INTS9: variants seen among roughly 807,000 people sequenced by gnomAD.
INTS9 encodes protein related to CPSF subunits of 74 kDa.
Under a neutral mutation model 79.7 loss-of-function variants are expected in INTS9, and 55 were observed. The ratio of observed to expected loss-of-function variants is 0.69; its 90% CI spans 0.56 to 0.86. The LOEUF is 0.86. Among genes scored for constraint, INTS9 ranks in the 40% least tolerant of loss-of-function variants. The pLI is 0.00. For missense variants in INTS9, 721 were observed against 831.5 expected (o/e 0.87, Z 1.64); for synonymous variants, 319 against 325.2 (o/e 0.98, Z 0.20).
At chr8:28,850,420 G>A in intron 2 of INTS9, 147 bp from the exon 3 acceptor site, 1 of 524,470 alleles carries the variant, frequency 1.9e-6, no homozygotes, top group Non-Finnish European at 3.3e-6. Context: ...AAAAATAAGA[G>A]AAATAACCAT....
chr8:28,778,039 A>C, intron 12 of INTS9, 86 bp from the exon 13 acceptor site: 1 of 1,418,766 alleles, frequency 7.0e-7, no homozygotes. Context: ...CTGAGGGCCC[A>C]CAGACAGTCA....
chr8:28,881,057 C>A (rs1329970638), intron 1 of INTS9, among the ~76,000 whole-genome samples: 1 of 150,336 alleles, frequency 6.7e-6, no homozygotes, highest in African/African-American at 2.5e-5. Flanking sequence ...CCCCTCCGTC[C>A]GGCAACCACC....
intron 8 of INTS9, among the ~76,000 whole-genome samples, chr8:28,809,660 A>C (rs1804996807): frequency 6.6e-6 from 1 of 152,232 alleles, no homozygotes; most frequent in African/African-American, 2.4e-5. Context: ...ACAAATCGCG[A>C]GAGTTGGCAA....
At chr8:28,775,037 A>G (rs978773420) in intron 14 of INTS9, among the ~76,000 whole-genome samples, 3 of 152,198 alleles carry the variant, frequency 2.0e-5, no homozygotes, top group Admixed American at 6.5e-5. Flanking sequence ...CAAGTTTACA[A>G]TCCTTATTTT....
chr8:28,883,882 A>T (rs556178835), intron 1 of INTS9, among the ~76,000 whole-genome samples: 5 of 152,142 alleles, frequency 3.3e-5, no homozygotes, highest in Admixed American at 2.6e-4. Flanking sequence ...GCAAACCAGG[A>T]GTGTATTTTC....
chr8:28,881,171 A>T (rs1382008572), intron 1 of INTS9, among the ~76,000 whole-genome samples: 14 of 124,488 alleles, frequency 1.1e-4, no homozygotes, highest in Admixed American at 1.6e-4. Flanking sequence ...CCGGGAGGTG[A>T]GGGGCGCCTC....
At chr8:28,842,065 G>C (rs1585453739) in intron 4 of INTS9, among the ~76,000 whole-genome samples, 1 of 152,236 alleles carries the variant, frequency 6.6e-6, no homozygotes, top group East Asian at 1.9e-4. Flanking sequence ...TTCACGCTGG[G>C]CAATAAAGTG....
chr8:28,835,431 C>A, intron 5 of INTS9, 53 bp from the exon 6 acceptor site: 1 of 1,306,566 alleles, frequency 7.7e-7, no homozygotes, highest in Non-Finnish European at 1.1e-6. Context: ...TAGAGAAACA[C>A]CCCATACTCT....
chr8:28,817,903 T>C (rs1454640172), intron 6 of INTS9, among the ~76,000 whole-genome samples: 2 of 151,438 alleles, frequency 1.3e-5, no homozygotes, highest in Admixed American at 6.6e-5. Context: ...AGGTATTTTA[T>C]TCTCTTTGAA....
intron 11 of INTS9, among the ~76,000 whole-genome samples, chr8:28,781,759 G>A (rs1028773422): frequency 3.2e-4 from 48 of 152,274 alleles, no homozygotes; most frequent in African/African-American, 1.1e-3. Context: ...AAGGCTCAGC[G>A]GTCACCAGGG....
intron 4 of INTS9, among the ~76,000 whole-genome samples, chr8:28,844,259 T>A (rs1309515007): frequency 1.3e-5 from 2 of 152,242 alleles, no homozygotes; most frequent in Non-Finnish European, 2.9e-5. Flanking sequence ...ATTTTAACTT[T>A]TTTAGCTGGG....
intron 1 of INTS9, among the ~76,000 whole-genome samples, chr8:28,860,920 A>G (rs1408793133): frequency 6.6e-6 from 1 of 152,176 alleles, no homozygotes; most frequent in Non-Finnish European, 1.5e-5. Context: ...TAGTGGATGA[A>G]TTTTCCACTT....
intron 6 of INTS9, among the ~76,000 whole-genome samples, chr8:28,820,704 G>C (rs967865493): frequency 7.2e-5 from 11 of 152,116 alleles, no homozygotes; most frequent in African/African-American, 2.7e-4. Context: ...AGGAACTCAG[G>C]GAATATTGTT....
At chr8:28,774,338 T>C (rs1260711631) in intron 14 of INTS9, among the ~76,000 whole-genome samples, 4 of 152,248 alleles carry the variant, frequency 2.6e-5, no homozygotes, top group Non-Finnish European at 4.4e-5. Context: ...TAAAATGTCT[T>C]AGTTTTAATT....
chr8:28,872,791 C>T (rs1487773560), intron 1 of INTS9, among the ~76,000 whole-genome samples: 1 of 152,214 alleles, frequency 6.6e-6, no homozygotes, highest in Non-Finnish European at 1.5e-5. Flanking sequence ...ATTTACACAA[C>T]AGAGATGTAA....
chr8:28,846,899 G>T (rs967146382), intron 3 of INTS9, 90 bp from the exon 4 acceptor site: 1 of 988,822 alleles, frequency 1.0e-6, no homozygotes, highest in Non-Finnish European at 1.6e-6. Context: ...AACTTTTCAT[G>T]AAGAATCATA....
At chr8:28,794,964 C>A (rs1004946159) in intron 9 of INTS9, among the ~76,000 whole-genome samples, 1 of 152,190 alleles carries the variant, frequency 6.6e-6, no homozygotes, top group Admixed American at 6.5e-5. Context: ...CAAACCAAGA[C>A]TCTATTTGAG....
At chr8:28,811,720 C>T (rs1246320521) in intron 8 of INTS9, among the ~76,000 whole-genome samples, 1 of 152,118 alleles carries the variant, frequency 6.6e-6, no homozygotes, top group Non-Finnish European at 1.5e-5. Context: ...CGCGCCCAGC[C>T]GACATGGTTT....
rs554334454 is a variant in INTS9, at chr8:28,830,393, G to A, written c.488+4899C>T. 8.5e-5 allele frequency among the ~76,000 whole-genome samples: 13 copies of A among 152,202 alleles called. No individual in the cohort carries two copies. The South Asian group carries it at 1.0e-3, about 12-fold the overall frequency. On this transcript the variant is annotated intron_variant, in intron 6 of 16. Coordinates refer to ENST00000521022, the MANE Select transcript of INTS9 (RefSeq NM_018250.4). ...TCATGCCTATAATCCCAGCACTTTG[G>A]GAGGCTGAGGTGGGCGGATCACTTG...
Sources: allele counts gnomAD v4.1 joint callset (sites outside exome capture counted in the v4.1 genomes callset), GRCh38; gene constraint gnomAD v4.1.1; transcripts MANE v1.5; gene names NCBI Gene and HGNC (gene_info 2026-07-23, HGNC 2026-07-21).